The following LINGO2 variants were observed in gnomAD, a reference collection of about 807,000 sequenced individuals.
LINGO2 encodes leucine rich repeat and Ig domain containing 2.
Under a neutral mutation model 30.6 loss-of-function variants are expected in LINGO2, and 14 were observed. The ratio of observed to expected loss-of-function variants is 0.46; its 90% CI spans 0.30 to 0.72. The LOEUF is 0.72. LINGO2 is among the 30% of genes least tolerant of loss of function. LINGO2 has a pLI of 0.07. For missense variants in LINGO2, 729 were observed against 751.7 expected, an observed-to-expected ratio of 0.97 and a Z score of 0.35; for synonymous variants, 317 against 288.5, an observed-to-expected ratio of 1.10 and a Z score of -1.00.
chr9:28,615,060 G>A (rs1396412856), intron 1 of LINGO2, among the ~76,000 whole-genome samples: 1 of 151,910 alleles, frequency 6.6e-6, no homozygotes, highest in East Asian at 1.9e-4. Flanking sequence ...AAAATTAAGG[G>A]AGGACATTTT....
the LINGO2 span, among the ~76,000 whole-genome samples, chr9:28,880,180 T>C: frequency 1.3e-5 from 2 of 152,156 alleles, no homozygotes; most frequent in African/African-American, 4.8e-5. Context: ...ACGATCTTTG[T>C]TCACTGCAAC....
chr9:28,199,418 A>G (rs1318424715), intron 4 of LINGO2, among the ~76,000 whole-genome samples: 2 of 149,882 alleles, frequency 1.3e-5, no homozygotes, highest in East Asian at 2.0e-4. Context: ...GGCTCACTGC[A>G]AGCTCCGCCT....
intron 4 of LINGO2, among the ~76,000 whole-genome samples, chr9:28,212,520 T>A (rs959574929): frequency 1.3e-5 from 2 of 151,364 alleles, no homozygotes; most frequent in Non-Finnish European, 3.0e-5. Flanking sequence ...TAGAAAAAAA[T>A]TGTGTATCTT....
At chr9:28,993,291 A>G in the LINGO2 span, among the ~76,000 whole-genome samples, 3 of 152,296 alleles carry the variant, frequency 2.0e-5, no homozygotes, top group Non-Finnish European at 4.4e-5. Flanking sequence ...TCCTCGACAC[A>G]TACACCCTCC....
the LINGO2 span, among the ~76,000 whole-genome samples, chr9:28,853,334 C>T: frequency 3.9e-5 from 6 of 151,996 alleles, no homozygotes; most frequent in African/African-American, 1.4e-4. Context: ...ATTTCACAGA[C>T]TCATTACTCA....
intron 4 of LINGO2, among the ~76,000 whole-genome samples, chr9:28,187,990 A>G (rs527829667): frequency 1.4e-4 from 21 of 152,256 alleles, no homozygotes; most frequent in African/African-American, 4.3e-4. Flanking sequence ...ACATTTTCAT[A>G]GCTCCTGGTC....
intron 3 of LINGO2, among the ~76,000 whole-genome samples, chr9:28,338,853 C>T (rs1031081242): frequency 6.6e-6 from 1 of 152,066 alleles, no homozygotes; most frequent in Admixed American, 6.6e-5. Flanking sequence ...TATAAATTAC[C>T]CAGTCTAGGG....
chr9:28,254,471 T>A (rs899426428), intron 4 of LINGO2, among the ~76,000 whole-genome samples: 2 of 152,128 alleles, frequency 1.3e-5, no homozygotes, highest in Non-Finnish European at 2.9e-5. Flanking sequence ...TCTTCCTAGA[T>A]GAAAGATAGA....
intron 4 of LINGO2, among the ~76,000 whole-genome samples, chr9:28,073,800 G>A (rs530181656): frequency 6.6e-6 from 1 of 152,182 alleles, no homozygotes; most frequent in Non-Finnish European, 1.5e-5. Flanking sequence ...AGCTGAAGTA[G>A]GAGGATGGGT....
intron 2 of LINGO2, among the ~76,000 whole-genome samples, chr9:28,439,425 G>A (rs989875491): frequency 2.0e-5 from 3 of 151,998 alleles, no homozygotes; most frequent in East Asian, 1.9e-4. Flanking sequence ...GGTTTGGTAT[G>A]GCCATGTGAT....
the LINGO2 span, among the ~76,000 whole-genome samples, chr9:28,812,233 T>G: frequency 1.3e-5 from 2 of 152,122 alleles, no homozygotes; most frequent in African/African-American, 4.8e-5. Flanking sequence ...ATAAATATTA[T>G]TTTTAGTGCA....
chr9:28,035,810 G>A (rs1176773929), intron 4 of LINGO2, among the ~76,000 whole-genome samples: 2 of 152,018 alleles, frequency 1.3e-5, no homozygotes, highest in Non-Finnish European at 2.9e-5. Flanking sequence ...GAATGTGAAA[G>A]CTCCTAATTA....
At chr9:28,295,952 T>G (rs1293149870) in intron 3 of LINGO2, among the ~76,000 whole-genome samples, 1 of 152,150 alleles carries the variant, frequency 6.6e-6, no homozygotes, top group Non-Finnish European at 1.5e-5. Flanking sequence ...CCACCATTAT[T>G]GATATCAACA....
chr9:27,999,436 C>CAGAGAGAGAGAGAGAGAGAG lies in LINGO2; in HGVS notation c.-36+12899_-36+12918dup, dbSNP rs36216761. ...CGACTTAATCACAGTGCCTAATCTT[C>CAGAGAGAGAGAGAGAGAGAG]AGAGAGAGAGAGAGAGAGAGAGAGA... On this transcript the variant is annotated intron_variant, in intron 5 of 5. Coordinates refer to ENST00000379992, the Ensembl canonical transcript of LINGO2. Among the ~76,000 whole-genome samples the CAGAGAGAGAGAGAGAGAGAG allele has an allele frequency of 9.9e-4, 143 of 143,746 alleles. 2 individuals are homozygous for CAGAGAGAGAGAGAGAGAGAG. Among genetic ancestry groups the CAGAGAGAGAGAGAGAGAGAG allele is most frequent in the African/African-American group, 3.4e-3 (130 of 38,732 alleles). 94.3% of individuals were successfully genotyped at this position (143,746 alleles called of 152,430 possible).
chr9:28,234,334 G>A (rs1325576919), intron 4 of LINGO2, among the ~76,000 whole-genome samples: 1 of 152,184 alleles, frequency 6.6e-6, no homozygotes, highest in Non-Finnish European at 1.5e-5. Context: ...GTAGCCACAA[G>A]CAGAAGCTTC....
intron 5 of LINGO2, among the ~76,000 whole-genome samples, chr9:27,973,863 G>A (rs1017840335): frequency 2.0e-5 from 3 of 152,172 alleles, no homozygotes; most frequent in Non-Finnish European, 2.9e-5. Flanking sequence ...CAGATAAAGT[G>A]GCAGCTCTGT....
chr9:28,858,617 G>A, the LINGO2 span, among the ~76,000 whole-genome samples: 1 of 151,972 alleles, frequency 6.6e-6, no homozygotes, highest in African/African-American at 2.4e-5. Flanking sequence ...CAGATCACTG[G>A]ATCAGGATAA....
chr9:28,677,629 T>C, the LINGO2 span, among the ~76,000 whole-genome samples: 1,416 of 152,254 alleles, frequency 9.3e-3, 31 homozygotes, highest in East Asian at 0.082. Flanking sequence ...TGTCTAACGC[T>C]CTCACATAAT....
At chr9:27,949,679 G>A (rs140929775) in exon 6 of LINGO2, 7 of 1,613,998 alleles carry the variant, frequency 4.3e-6, no homozygotes, top group African/African-American at 1.3e-5. Context: ...TTTCCAGCAG[G>A]TTCTGAGACA....
Sources: allele counts gnomAD v4.1 joint callset (sites outside exome capture counted in the v4.1 genomes callset), GRCh38; gene constraint gnomAD v4.1.1; transcripts MANE v1.5; gene names NCBI Gene and HGNC (gene_info 2026-07-23, HGNC 2026-07-21).